Variants in ST3GAL2 observed in about 807,000 individuals in gnomAD.
The protein encoded by ST3GAL2 is ST3 beta-galactoside alpha-2,3-sialyltransferase 2.
ST3GAL2 carries 16 observed loss-of-function variants against 37.5 expected under a neutral mutation model. That is an observed-to-expected ratio of 0.43 (90% confidence interval 0.29 to 0.65). The LOEUF (loss-of-function observed/expected upper bound fraction) is 0.65. ST3GAL2 is among the 30% of genes least tolerant of loss of function. The probability of loss-of-function intolerance (pLI) is 0.17; values close to 1 mark genes in which losing one functional copy is unlikely to be tolerated. For synonymous variants in ST3GAL2, 238 were observed against 202.9 expected (o/e 1.17, Z -1.47); for missense variants, 383 against 487.8 (o/e 0.79, Z 2.02).
chr16:70,385,968 G>A (rs1431338574), intron 4 of ST3GAL2, among the ~76,000 whole-genome samples: 1 of 151,970 alleles, frequency 6.6e-6, no homozygotes, highest in Non-Finnish European at 1.5e-5. Context: ...TGGCCTCCTA[G>A]AGTGCTGGGA....
chr16:70,411,819 A>AC (rs1006482675), intron 1 of ST3GAL2, among the ~76,000 whole-genome samples: 6 of 151,816 alleles, frequency 4.0e-5, no homozygotes. Flanking sequence ...ACATGGAGAA[A>AC]CCCCGTCTCT....
At chr16:70,413,308 C>T (rs1262213608) in intron 1 of ST3GAL2, among the ~76,000 whole-genome samples, 2 of 151,292 alleles carry the variant, frequency 1.3e-5, no homozygotes, top group South Asian at 2.1e-4. Context: ...CCTAGCTACT[C>T]GGGAAGCTGA....
At chr16:70,434,163 GCA>G (rs970814312) in intron 1 of ST3GAL2, among the ~76,000 whole-genome samples, 8 of 152,152 alleles carry the variant, frequency 5.3e-5, no homozygotes, top group Admixed American at 4.6e-4. Flanking sequence ...ACTTGGCCAG[GCA>G]CAGTGTCTCA....
intron 1 of ST3GAL2, among the ~76,000 whole-genome samples, chr16:70,432,308 A>C (rs2047796583): frequency 6.6e-6 from 1 of 152,198 alleles, no homozygotes; most frequent in African/African-American, 2.4e-5. Flanking sequence ...CTCCAGGAAG[A>C]TGACCTGCTC....
At chr16:70,399,921 C>G (rs1029389579) in intron 1 of ST3GAL2, 1 of 152,874 alleles carries the variant, frequency 6.5e-6, no homozygotes, top group Admixed American at 6.5e-5. Context: ...ACAGCACTCT[C>G]TGGAGCCTGT....
intron 3 of ST3GAL2, among the ~76,000 whole-genome samples, 180 bp from the exon 4 acceptor site, chr16:70,388,726 G>A (rs1015306033): frequency 6.6e-6 from 1 of 152,114 alleles, no homozygotes; most frequent in African/African-American, 2.4e-5. Flanking sequence ...AGATGTGTAT[G>A]AGGATATTCA....
In ST3GAL2 at chr16:70,396,049, G is replaced by A. The variant is rs570333079; in HGVS notation, c.340-874C>T. 1.1e-3 allele frequency among the ~76,000 whole-genome samples: 164 copies of A among 149,564 alleles called. 1 individual carries two copies. The highest frequency in any genetic ancestry group is 1.1e-3 in the Non-Finnish European group (76 of 67,666). On this transcript the variant is annotated intron_variant, in intron 2 of 6. Transcript: ENST00000342907. ...TGCAATGGCGCGATCTTGGCTCACC[G>A]CAACCTCCGCCTCCCGGGTTCAAGG...
rs149468737 is a variant in ST3GAL2, at chr16:70,409,939, T to G, written c.-1003-10406A>C. On this transcript the variant is annotated intron_variant, in intron 1 of 6. Transcript: ENST00000342907. The stretch of plus-strand genomic sequence containing the variant: ...GGTGTGCACTACTTTTGTTGTTTTT[T>G]TTGTTGTTGTAGAGATGATGTCTTG... 1.1e-3 allele frequency among the ~76,000 whole-genome samples: 169 copies of G among 151,608 alleles called. 3 individuals are homozygous for G. In the East Asian group the frequency reaches 0.032, roughly 28 times the overall value.
intron 1 of ST3GAL2, among the ~76,000 whole-genome samples, chr16:70,437,507 CAA>C (rs34874526): frequency 1.4e-4 from 18 of 130,570 alleles, no homozygotes; most frequent in African/African-American, 2.3e-4. Context: ...GCCCCCCCCG[CAA>C]AAAAAAAAAA....
chr16:70,428,661 C>G (rs1245046271), intron 1 of ST3GAL2, among the ~76,000 whole-genome samples: 1 of 152,238 alleles, frequency 6.6e-6, no homozygotes, highest in African/African-American at 2.4e-5. Context: ...TTCTCAAGGT[C>G]CCCACACGTC....
chr16:70,409,805 ATTTTTTTTTTTTTT>A (rs980660367), intron 1 of ST3GAL2, among the ~76,000 whole-genome samples: 1 of 129,060 alleles, frequency 7.7e-6, no homozygotes, highest in African/African-American at 3.0e-5. Context: ...ACCTGGCTAA[ATTTTTTTTTTTTTT>A]TTTTTTTTCA....
intron 3 of ST3GAL2, among the ~76,000 whole-genome samples, chr16:70,393,090 T>C (rs2047492653): frequency 6.6e-6 from 1 of 151,566 alleles, no homozygotes; most frequent in Non-Finnish European, 1.5e-5. Flanking sequence ...CTATAAATTT[T>C]TTTTTTTTTT....
intron 1 of ST3GAL2, among the ~76,000 whole-genome samples, chr16:70,431,353 G>T (rs371887676): frequency 1.3e-5 from 2 of 152,196 alleles, no homozygotes; most frequent in Non-Finnish European, 2.9e-5. Flanking sequence ...CTGCCTGCCC[G>T]CAGGGCTAGG....
At chr16:70,391,638 G>A (rs994637718) in intron 3 of ST3GAL2, among the ~76,000 whole-genome samples, 4 of 152,208 alleles carry the variant, frequency 2.6e-5, no homozygotes, top group Non-Finnish European at 5.9e-5. Context: ...CCTTAACAGG[G>A]GATGTCAGAG....
At chr16:70,401,722 A>C (rs1274538531) in intron 1 of ST3GAL2, among the ~76,000 whole-genome samples, 1 of 152,052 alleles carries the variant, frequency 6.6e-6, no homozygotes, top group Non-Finnish European at 1.5e-5. Flanking sequence ...GGCAGGCCCA[A>C]TGGCTCATGC....
intron 3 of ST3GAL2, among the ~76,000 whole-genome samples, chr16:70,394,381 G>T (rs2047501522): frequency 6.6e-6 from 1 of 152,176 alleles, no homozygotes; most frequent in East Asian, 1.9e-4. Flanking sequence ...GCTTCTGATG[G>T]GAATTTTTGT....
At chr16:70,422,172 C>T (rs903646065) in intron 1 of ST3GAL2, among the ~76,000 whole-genome samples, 1 of 152,194 alleles carries the variant, frequency 6.6e-6, no homozygotes, top group Non-Finnish European at 1.5e-5. Flanking sequence ...GCAAATCACA[C>T]CTCTCTGGGC....
chr16:70,426,785 T>A (rs1313309976), intron 1 of ST3GAL2, among the ~76,000 whole-genome samples: 1 of 152,148 alleles, frequency 6.6e-6, no homozygotes, highest in Non-Finnish European at 1.5e-5. Flanking sequence ...GTTGGAATTA[T>A]AGGCGTGAGC....
At position 70,399,516 on chromosome 16, in the gene ST3GAL2, G is replaced by A; in HGVS notation, c.-986C>T. On this transcript the variant is annotated 5_prime_UTR_variant, in exon 2 of 7. Transcript: ENST00000342907. ...GTTCCCCTTCACATGTCGGGCGCCA[G>A]GCTGCCGCAGCACGACCCTAGAATG... The A allele has an allele frequency of 2.5e-6, 1 of 398,350 alleles. No individual in the cohort carries two copies. 24.7% of individuals were successfully genotyped at this position (398,350 alleles called of 1,614,324 possible).
Sources: allele counts gnomAD v4.1 joint callset (sites outside exome capture counted in the v4.1 genomes callset), GRCh38; gene constraint gnomAD v4.1.1; transcripts MANE v1.5; gene names NCBI Gene and HGNC (gene_info 2026-07-23, HGNC 2026-07-21).